The following MACF1 variants were observed in gnomAD, a reference collection of about 807,000 sequenced individuals.
MACF1 encodes the protein microtubule actin crosslinking factor 1.
MACF1 carries 193 observed loss-of-function variants against 854.8 expected under a neutral mutation model. That is an observed-to-expected ratio of 0.23 (90% CI 0.20 to 0.25). The LOEUF (loss-of-function observed/expected upper bound fraction) is 0.25. Ranked by LOEUF, MACF1 falls within the 10% of genes least tolerant of loss-of-function variation. MACF1 has a pLI of 1.00. For synonymous variants in MACF1, 3,185 were observed against 3,226.7 expected, an observed-to-expected ratio of 0.99 and a Z score of 0.44; for missense variants, 7,722 against 8,929.1, an observed-to-expected ratio of 0.86 and a Z score of 5.45.
At chr1:39,417,874 G>A (rs1366521400) in intron 58 of MACF1, among the ~76,000 whole-genome samples, 3 of 151,544 alleles carry the variant, frequency 2.0e-5, no homozygotes, top group Non-Finnish European at 2.9e-5. Context: ...CACCACACCC[G>A]GCCTGAGTAA....
At chr1:39,427,819 C>T (rs141603798) in intron 62 of MACF1, 142 bp from the exon 63 acceptor site, 2 of 909,224 alleles carry the variant, frequency 2.2e-6, no homozygotes, top group Non-Finnish European at 3.2e-6. Flanking sequence ...AGCTTTTGTT[C>T]CCAATTTTTA....
chr1:39,419,510 G>A (rs955006982), intron 58 of MACF1, among the ~76,000 whole-genome samples: 1 of 152,154 alleles, frequency 6.6e-6, no homozygotes, highest in Non-Finnish European at 1.5e-5. Context: ...ATTTAATGTA[G>A]ATATTCCAAA....
intron 58 of MACF1, among the ~76,000 whole-genome samples, chr1:39,400,489 T>G (rs557108709): frequency 3.9e-4 from 59 of 152,222 alleles, no homozygotes; most frequent in African/African-American, 1.4e-3. Context: ...AATCTTTTTT[T>G]TTTTCATTTT....
At chr1:39,214,142 A>G (rs1165274047) in intron 1 of MACF1, among the ~76,000 whole-genome samples, 1 of 152,132 alleles carries the variant, frequency 6.6e-6, no homozygotes, top group East Asian at 1.9e-4. Flanking sequence ...AGCCTGAAGA[A>G]GTCGTTCTAT....
chr1:39,473,202 G>A (rs986882349), intron 97 of MACF1, among the ~76,000 whole-genome samples: 4 of 152,298 alleles, frequency 2.6e-5, no homozygotes, highest in African/African-American at 4.8e-5. Context: ...GAAAGCAAGT[G>A]AGACACCCTT....
intron 58 of MACF1, chr1:39,411,379 G>C (rs923564931): frequency 1.2e-6 from 2 of 1,614,034 alleles, no homozygotes; most frequent in Admixed American, 1.7e-5. Context: ...CACAGCAGTG[G>C]TGGAGGATGG....
upstream of MACF1, among the ~76,000 whole-genome samples, chr1:39,200,640 A>G (rs1644378003): frequency 6.6e-6 from 1 of 152,034 alleles, no homozygotes; most frequent in South Asian, 2.1e-4. Flanking sequence ...TGGAGGTTGC[A>G]GTGAGCCAAG....
chr1:39,192,666 T>C (rs1238519567), intron 2 of MACF1, among the ~76,000 whole-genome samples: 1 of 152,190 alleles, frequency 6.6e-6, no homozygotes, highest in Non-Finnish European at 1.5e-5. Context: ...TCTGTGTCTA[T>C]CTATCTTTGT....
At chr1:39,397,852 GGAAACA>G (rs1642333787) in intron 58 of MACF1, among the ~76,000 whole-genome samples, 1 of 151,986 alleles carries the variant, frequency 6.6e-6, no homozygotes, top group Admixed American at 6.5e-5. Context: ...CTATAGTAAG[GGAAACA>G]GATACAGAGA....
intron 2 of MACF1, among the ~76,000 whole-genome samples, chr1:39,090,531 T>A (rs184359815): frequency 1.3e-5 from 2 of 152,272 alleles, no homozygotes; most frequent in African/African-American, 4.8e-5. Flanking sequence ...GGGACCCCAG[T>A]TGGTGAGGGA....
intron 2 of MACF1, among the ~76,000 whole-genome samples, chr1:39,144,691 A>G (rs1033192523): frequency 1.3e-5 from 2 of 149,690 alleles, no homozygotes; most frequent in African/African-American, 4.9e-5. Context: ...AGGTCTCACT[A>G]TGTTGCCCAG....
intron 2 of MACF1, among the ~76,000 whole-genome samples, chr1:39,091,789 G>A (rs531670254): frequency 6.6e-5 from 10 of 152,206 alleles, no homozygotes; most frequent in African/African-American, 2.4e-4. Context: ...CACTGCACCC[G>A]GCTGCCCTTG....
chr1:39,379,076 T>C, intron 53 of MACF1, 127 bp from the exon 54 acceptor site: 1 of 1,017,546 alleles, frequency 9.8e-7, no homozygotes, highest in Non-Finnish European at 1.4e-6. Flanking sequence ...TTTTGTATGA[T>C]TTAGCAGGAA....
intron 2 of MACF1, among the ~76,000 whole-genome samples, chr1:39,233,589 T>G (rs1644811089): frequency 6.6e-6 from 1 of 151,862 alleles, no homozygotes; most frequent in African/African-American, 2.4e-5. Context: ...AAGGAGGTGG[T>G]TACATAAATC....
At chr1:39,241,440 A>G (rs996601586) in intron 2 of MACF1, among the ~76,000 whole-genome samples, 11 of 152,108 alleles carry the variant, frequency 7.2e-5, no homozygotes, top group African/African-American at 2.7e-4. Context: ...TGGGTGAATC[A>G]CTTGAGGTCA....
intron 58 of MACF1, among the ~76,000 whole-genome samples, chr1:39,393,196 A>AAAAAAAAATAT (rs57576149): frequency 1.5e-5 from 1 of 66,576 alleles, no homozygotes; most frequent in African/African-American, 8.4e-5. Context: ...AAAAAAAAAA[A>AAAAAAAAATAT]ATATATATAT....
intron 41 of MACF1, among the ~76,000 whole-genome samples, chr1:39,347,720 T>C (rs951419647): frequency 1.3e-5 from 2 of 152,228 alleles, no homozygotes; most frequent in Non-Finnish European, 2.9e-5. Context: ...ATTAGAATCG[T>C]ATTAATTTTT....
chr1:39,116,338 A>G (rs1262749552), intron 2 of MACF1, among the ~76,000 whole-genome samples: 2 of 151,908 alleles, frequency 1.3e-5, no homozygotes, highest in East Asian at 3.9e-4. Flanking sequence ...GTAGGAGGTG[A>G]AGTTATTTGC....
At position 39,387,559 on chromosome 1, in the gene MACF1, A is replaced by C; in HGVS notation, c.14717A>C (p.Gln4906Pro). 6.2e-7 allele frequency: 1 copy of C among 1,614,164 alleles called. No homozygotes were observed. The highest frequency in any genetic ancestry group is 8.5e-7 in the Non-Finnish European group (1 of 1,180,034). The change falls in exon 58 of 101, where the codon CAG (glutamine) becomes CCG (proline). Residue 4906 changes from glutamine to proline, a missense_variant. By Grantham distance (76) the Gln-to-Pro change is moderately conservative. Transcript: ENST00000564288. ...CTCAAGGATTGTATGCAGAAAGCTCAGAAATATCAGTGGCATGTGGAAGAC... is the reference window on the plus strand; with the variant it reads ...CTCAAGGATTGTATGCAGAAAGCTCCGAAATATCAGTGGCATGTGGAAGAC... ...SRLKDCMQKA[Q>P]KYQWHVEDLV...
Sources: allele counts gnomAD v4.1 joint callset (sites outside exome capture counted in the v4.1 genomes callset), GRCh38; gene constraint gnomAD v4.1.1; transcripts MANE v1.5; gene names NCBI Gene and HGNC (gene_info 2026-07-23, HGNC 2026-07-21).